Variants in LONP2 observed in about 807,000 individuals in gnomAD.
The protein encoded by LONP2 is lon protease homolog 2, peroxisomal.
A neutral mutation model predicts 85.6 loss-of-function variants in LONP2; 60 were observed. The ratio of observed to expected loss-of-function variants is 0.70; its 90% CI spans 0.57 to 0.87. The LOEUF is 0.87. LONP2 is among the 40% of genes least tolerant of loss of function. LONP2 has a pLI of 0.00. For synonymous variants in LONP2, 395 were observed against 389.7 expected (o/e 1.01, Z -0.16); for missense variants, 860 against 1,063.5 (o/e 0.81, Z 2.66).
At chr16:48,327,680 A>T (rs967678653) in intron 11 of LONP2, among the ~76,000 whole-genome samples, 1 of 151,714 alleles carries the variant, frequency 6.6e-6, no homozygotes, top group Non-Finnish European at 1.5e-5. Flanking sequence ...CTGGTCTCGA[A>T]CTCCTCACCT....
intron 14 of LONP2, 59 bp from the exon 15 acceptor site, chr16:48,351,522 G>A: frequency 6.6e-6 from 9 of 1,354,484 alleles, no homozygotes. Context: ...AGCTGGGTCA[G>A]GGTTTCTTTC....
intron 11 of LONP2, among the ~76,000 whole-genome samples, chr16:48,307,358 T>C (rs1382045559): frequency 6.6e-6 from 1 of 152,238 alleles, no homozygotes; most frequent in Non-Finnish European, 1.5e-5. Flanking sequence ...TACAGTTTTA[T>C]TCTGCTTTTT....
intron 11 of LONP2, among the ~76,000 whole-genome samples, chr16:48,307,398 G>T (rs1346570697): frequency 6.6e-6 from 1 of 152,144 alleles, no homozygotes; most frequent in South Asian, 2.1e-4. Flanking sequence ...AGACACAAAT[G>T]TCCCATGTAT....
At chr16:48,339,026 T>C (rs1257556672) in intron 12 of LONP2, among the ~76,000 whole-genome samples, 1 of 152,142 alleles carries the variant, frequency 6.6e-6, no homozygotes, top group Admixed American at 6.5e-5. Flanking sequence ...TATTAGAAAA[T>C]AGAGGATATT....
rs772932295 is a variant in LONP2, at chr16:48,334,213, T to C, written c.1796-3T>C. On this transcript the variant is annotated splice_region_variant and splice_polypyrimidine_tract_variant and intron_variant, in intron 11 of 14. Coordinates refer to ENST00000285737, the MANE Select transcript of LONP2 (RefSeq NM_031490.5). ...CTTCTAAATACATTTTTTTTTCTTT[T>C]AGGTTGCAGAGAACACATCTTAGAA... 3.8e-5 allele frequency: 61 copies of C among 1,611,448 alleles called. No individual in the cohort carries two copies. Among genetic ancestry groups the C allele is most frequent in the Non-Finnish European group, 4.7e-5 (56 of 1,179,138 alleles).
At chr16:48,358,648 C>A (rs1039199303), downstream of LONP2, among the ~76,000 whole-genome samples, 3 of 152,010 alleles carry the variant, frequency 2.0e-5, no homozygotes, top group Admixed American at 6.6e-5. Context: ...CATAGCGAGA[C>A]CCCATCTCCA....
intron 11 of LONP2, among the ~76,000 whole-genome samples, chr16:48,321,108 CT>C (rs1166510544): frequency 6.6e-6 from 1 of 152,120 alleles, no homozygotes; most frequent in Non-Finnish European, 1.5e-5. Flanking sequence ...TGTTCTCAAA[CT>C]CCTGAGCTCA....
At chr16:48,269,873 A>T (rs1057021820) in intron 6 of LONP2, 143 bp from the exon 7 acceptor site, 2 of 826,904 alleles carry the variant, frequency 2.4e-6, no homozygotes, top group African/African-American at 1.7e-5. Context: ...CAGATCTCCT[A>T]GAATCCTCAT....
In LONP2 at chr16:48,356,867, G is replaced by A. The variant is rs927892675; in HGVS notation, c.*5065G>A. 5 of 173,356 alleles carry A rather than the reference G, an allele frequency of 2.9e-5. No homozygotes were observed. The highest frequency in any genetic ancestry group is 3.7e-5 in the Non-Finnish European group (3 of 80,208). The allele number at this position is 173,356 out of a possible 1,614,324, so 10.7% of individuals were successfully genotyped here. On this transcript the variant is annotated 3_prime_UTR_variant, in exon 15 of 15. Transcript: ENST00000285737. ...TTTCTAGGCAATACAAACTCTTGAGGCTAAATCCTCATCCTGACATGACAG... is the reference window on the plus strand; with the variant it reads ...TTTCTAGGCAATACAAACTCTTGAGACTAAATCCTCATCCTGACATGACAG...
At chr16:48,291,048 A>G (rs1972549122) in intron 8 of LONP2, among the ~76,000 whole-genome samples, 1 of 152,196 alleles carries the variant, frequency 6.6e-6, no homozygotes, top group African/African-American at 2.4e-5. Context: ...AAGGCCAAAT[A>G]TATATTTTAC....
rs781312483 is a variant in LONP2, at chr16:48,252,258, A to G, written c.361A>G (p.Ile121Val). 1.2e-6 allele frequency: 2 copies of G among 1,614,172 alleles called. No individual in the cohort carries two copies. Among genetic ancestry groups the G allele is most frequent in the South Asian group, 2.2e-5 (2 of 91,080 alleles). ...VQVLKEKPYPIAEVEQLDRLE... is the reference protein window; with the variant it reads ...VQVLKEKPYPVAEVEQLDRLE... ...GGTCTTAAAAGAGAAGCCATATCCC[A>G]TTGCTGAAGTGGAGCAGTTGGACCG... The change falls in exon 2 of 15, where the codon ATT (isoleucine) becomes GTT (valine). Residue 121 changes from isoleucine to valine, a missense_variant. Physicochemically the swap from Ile to Val is conservative, Grantham distance 29. This residue lies in a region of LONP2 where 743 missense variants were observed against 917.3 expected (regional missense o/e 0.81). Coordinates refer to ENST00000285737, the MANE Select transcript of LONP2 (RefSeq NM_031490.5).
At position 48,351,440 on chromosome 16, in the gene LONP2, A is replaced by G. The variant is rs1042056043; in HGVS notation, c.2338-141A>G. 9.1e-6 allele frequency: 6 copies of G among 659,810 alleles called. No homozygotes were observed. In the African/African-American group the frequency reaches 1.1e-4, roughly 12 times the overall value. The allele number at this position is 659,810 out of a possible 1,614,324, so 40.9% of individuals were successfully genotyped here. ...ACTTATCCTTTTTCCTGGCTTTCCTAGCTCATGCTATAACAAAACGGAAGA... is the reference window on the plus strand; with the variant it reads ...ACTTATCCTTTTTCCTGGCTTTCCTGGCTCATGCTATAACAAAACGGAAGA... On this transcript the variant is annotated intron_variant, in intron 14 of 14. Transcript: ENST00000285737.
chr16:48,257,126 A>G (rs933830851), intron 3 of LONP2, among the ~76,000 whole-genome samples: 1 of 152,142 alleles, frequency 6.6e-6, no homozygotes, highest in African/African-American at 2.4e-5. Flanking sequence ...AGCCTGGCCA[A>G]CATGGTAAAA....
intron 8 of LONP2, among the ~76,000 whole-genome samples, chr16:48,285,956 C>T (rs183630703): frequency 6.6e-6 from 1 of 152,114 alleles, no homozygotes; most frequent in African/African-American, 2.4e-5. Flanking sequence ...CTTTCTCCCT[C>T]CCTCAGTCCC....
chr16:48,308,700 C>A (rs1266519288), intron 11 of LONP2, among the ~76,000 whole-genome samples: 1 of 148,566 alleles, frequency 6.7e-6, no homozygotes, highest in Non-Finnish European at 1.5e-5. Flanking sequence ...CTAAAACATA[C>A]TAGAAGAAAA....
intron 1 of LONP2, among the ~76,000 whole-genome samples, chr16:48,249,036 CTT>C (rs1238892806): frequency 2.6e-5 from 4 of 152,064 alleles, no homozygotes; most frequent in African/African-American, 7.2e-5. Flanking sequence ...GTTTGGAACT[CTT>C]ATATTATTTA....
In LONP2 at chr16:48,306,385, C is replaced by G. The variant is rs915896759; in HGVS notation, c.1795+3080C>G. 3.9e-5 allele frequency among the ~76,000 whole-genome samples: 6 copies of G among 152,256 alleles called. No homozygotes were observed. In the East Asian group the frequency reaches 1.2e-3, roughly 29 times the overall value. On this transcript the variant is annotated intron_variant, in intron 11 of 14. Coordinates refer to ENST00000285737, the MANE Select transcript of LONP2 (RefSeq NM_031490.5). Reference sequence around the variant, plus strand: ...TATTTTAAAATAACCCACAAATACTCAAGGAATTGTTCAGTTTGTGAACTG... The same window carrying G: ...TATTTTAAAATAACCCACAAATACTGAAGGAATTGTTCAGTTTGTGAACTG...
downstream of LONP2, chr16:48,361,365 A>T: frequency 1.9e-6 from 1 of 524,854 alleles, no homozygotes; most frequent in Non-Finnish European, 3.4e-6. Context: ...GTATATACAT[A>T]TATTTTTTCA....
At chr16:48,294,217 A>T (rs915307113) in intron 8 of LONP2, among the ~76,000 whole-genome samples, 1 of 152,202 alleles carries the variant, frequency 6.6e-6, no homozygotes, top group Non-Finnish European at 1.5e-5. Flanking sequence ...CTTGGATTAC[A>T]GGTGTGAGCC....
Sources: allele counts gnomAD v4.1 joint callset (sites outside exome capture counted in the v4.1 genomes callset), GRCh38; gene constraint gnomAD v4.1.1; regional missense constraint gnomAD v4.1.1; transcripts MANE v1.5; gene names NCBI Gene and HGNC (gene_info 2026-07-23, HGNC 2026-07-21).